The following UGGT2 variants were observed in gnomAD, a reference collection of about 807,000 sequenced individuals.
UGGT2 encodes UDP-glucose:glycoprotein glucosyltransferase 2.
A neutral mutation model predicts 192.1 loss-of-function variants in UGGT2; 180 were observed. The observed-to-expected ratio is 0.94, with a 90% CI of 0.83 to 1.06. UGGT2 has a LOEUF of 1.06. Among genes scored for constraint, UGGT2 ranks in the 50% least tolerant of loss-of-function variants. UGGT2 has a pLI of 0.00. For missense variants in UGGT2, 1,849 were observed against 1,795.7 expected (o/e 1.03, Z -0.54); for synonymous variants, 580 against 591.0 (o/e 0.98, Z 0.27).
chr13:95,952,977 G>A (rs189811960), intron 12 of UGGT2, among the ~76,000 whole-genome samples: 17 of 152,202 alleles, frequency 1.1e-4, no homozygotes, highest in Non-Finnish European at 1.9e-4. Flanking sequence ...ACAATGTTAC[G>A]ACAATATGTA....
At chr13:95,964,868 A>C (rs2140732066) in intron 12 of UGGT2, among the ~76,000 whole-genome samples, 1 of 152,328 alleles carries the variant, frequency 6.6e-6, no homozygotes, top group South Asian at 2.1e-4. Flanking sequence ...TAATATCCAG[A>C]ATCTACAATG....
chr13:95,992,463 T>C (rs1397546301), intron 7 of UGGT2, among the ~76,000 whole-genome samples: 1 of 152,198 alleles, frequency 6.6e-6, no homozygotes, highest in Non-Finnish European at 1.5e-5. Context: ...GTAAATGGGA[T>C]TGCCTGCTTG....
At position 95,924,393 on chromosome 13, in the gene UGGT2, C is replaced by CTTTTTTTT. The variant is rs59757283; in HGVS notation, c.2295+1279_2295+1286dup. Among the ~76,000 whole-genome samples the CTTTTTTTT allele has an allele frequency of 1.1e-3, 72 of 63,352 alleles. 3 individuals carry two copies. The highest frequency in any genetic ancestry group is 2.1e-3 in the South Asian group (3 of 1,406). 41.6% of individuals were successfully genotyped at this position (63,352 alleles called of 152,430 possible). A position where few individuals can be genotyped will look rare whatever the true frequency, so the allele number is the denominator to read the frequency against. ...AATAGATGTAATAGATCCCAAACAG[C>CTTTTTTTT]TTTTTTTTTTTTTTTTTTTTTTTTT... On this transcript the variant is annotated intron_variant, in intron 20 of 38. Transcript: ENST00000376747.
intron 27 of UGGT2, among the ~76,000 whole-genome samples, chr13:95,882,188 G>T (rs538994374): frequency 6.6e-6 from 1 of 152,056 alleles, no homozygotes; most frequent in East Asian, 1.9e-4. Flanking sequence ...GATTACAGGC[G>T]TGAGCCACCA....
chr13:95,860,846 T>C lies in UGGT2; in HGVS notation c.3682A>G (p.Lys1228Glu). 6.4e-7 allele frequency: 1 copy of C among 1,570,232 alleles called. No individual in the cohort carries two copies. The highest frequency in any genetic ancestry group is 8.6e-7 in the Non-Finnish European group (1 of 1,160,064). Reference protein sequence around the residue: ...VSLHKENKKEKDVLNIFSVAS... With the variant: ...VSLHKENKKEEDVLNIFSVAS... Reference sequence around the variant, plus strand: ...ACTGAAAAAATGTTTAGGACATCTTTTTCCTTTTTGTTTTCTTTATGCAAG... The same window carrying C: ...ACTGAAAAAATGTTTAGGACATCTTCTTCCTTTTTGTTTTCTTTATGCAAG... The change falls in exon 32 of 39, where the codon AAA becomes GAA. Residue 1228 changes from lysine to glutamate, a missense_variant. Lys to Glu is a moderately conservative substitution (Grantham distance 56). Transcript: ENST00000376747.
At chr13:96,030,667 C>T (rs1015869470) in intron 2 of UGGT2, among the ~76,000 whole-genome samples, 1 of 152,204 alleles carries the variant, frequency 6.6e-6, no homozygotes, top group South Asian at 2.1e-4. Context: ...TTTTAATCAC[C>T]AATAGTAAGA....
intron 7 of UGGT2, 51 bp downstream of exon 7, chr13:95,996,012 T>C: frequency 6.5e-7 from 1 of 1,532,300 alleles, no homozygotes; most frequent in Non-Finnish European, 9.0e-7. Context: ...AATTAATTCC[T>C]TAAAAACCAA....
intron 33 of UGGT2, among the ~76,000 whole-genome samples, chr13:95,858,151 A>G (rs1889799285): frequency 6.6e-6 from 1 of 151,850 alleles, no homozygotes; most frequent in Non-Finnish European, 1.5e-5. Flanking sequence ...GTTTCATATC[A>G]GGCCTATGCT....
intron 21 of UGGT2, among the ~76,000 whole-genome samples, chr13:95,902,481 G>C (rs1273815020): frequency 1.3e-5 from 2 of 151,948 alleles, no homozygotes; most frequent in South Asian, 2.1e-4. Flanking sequence ...TGTATTTTTT[G>C]AATGAATAAT....
rs1189608362 is a variant in UGGT2 at position 95,863,640 on chromosome 13, A to T, written c.3633T>A (p.Asp1211Glu). 1 of 1,610,092 alleles carries T rather than the reference A, an allele frequency of 6.2e-7. No individual in the cohort carries two copies. The highest frequency in any genetic ancestry group is 1.1e-5 in the South Asian group (1 of 91,002). The change falls in exon 31 of 39, where the codon GAT becomes GAA. Residue 1211 changes from aspartate (D) to glutamate (E), a missense_variant. Coordinates refer to ENST00000376747, the MANE Select transcript of UGGT2 (RefSeq NM_020121.4). Reference sequence around the variant, plus strand: ...TCATTAGTAATTACCTTTTAATGGAATCCCACAGTCCTTTTGTTTTTTCAT... The same window carrying T: ...TCATTAGTAATTACCTTTTAATGGATTCCCACAGTCCTTTTGTTTTTTCAT... ...DEDEKTKGLW[D>E]SIKSFTVSLH...
intron 20 of UGGT2, among the ~76,000 whole-genome samples, chr13:95,911,637 GC>G (rs2048501149): frequency 6.6e-6 from 1 of 152,160 alleles, no homozygotes; most frequent in Non-Finnish European, 1.5e-5. Context: ...TGGATTCACA[GC>G]CGAATTCTAC....
intron 16 of UGGT2, among the ~76,000 whole-genome samples, chr13:95,939,317 T>A (rs2049579222): frequency 6.6e-6 from 1 of 152,212 alleles, no homozygotes; most frequent in Non-Finnish European, 1.5e-5. Flanking sequence ...TATCACTTCT[T>A]CAGAAAAGTA....
intron 17 of UGGT2, among the ~76,000 whole-genome samples, chr13:95,933,969 C>T (rs2049376555): frequency 6.6e-6 from 1 of 152,152 alleles, no homozygotes; most frequent in African/African-American, 2.4e-5. Flanking sequence ...CAGGCGTGAG[C>T]CACCGCGCCT....
At chr13:96,008,942 A>C (rs1188980160) in intron 5 of UGGT2, among the ~76,000 whole-genome samples, 1 of 151,930 alleles carries the variant, frequency 6.6e-6, no homozygotes, top group East Asian at 1.9e-4. Flanking sequence ...AAAAAGAACA[A>C]AGCTGAAGGC....
At chr13:95,877,446 G>GA in intron 28 of UGGT2, 82 bp from the exon 29 acceptor site, 1 of 1,164,432 alleles carries the variant, frequency 8.6e-7, no homozygotes, top group South Asian at 1.6e-5. Context: ...AATGATCTAA[G>GA]AAAGTATTTA....
chr13:95,859,517 A>C, intron 33 of UGGT2, 74 bp downstream of exon 33: 1 of 1,195,438 alleles, frequency 8.4e-7, no homozygotes, highest in Admixed American at 2.2e-5. Flanking sequence ...GAGAAATATC[A>C]TATAAACTTA....
chr13:95,986,859 C>A (rs2051306459), intron 8 of UGGT2, among the ~76,000 whole-genome samples: 2 of 152,064 alleles, frequency 1.3e-5, no homozygotes, highest in Non-Finnish European at 2.9e-5. Flanking sequence ...CATTCAATTT[C>A]TCTTTCAACA....
intron 30 of UGGT2, 79 bp downstream of exon 30, chr13:95,867,260 A>C: frequency 8.3e-7 from 1 of 1,200,232 alleles, no homozygotes; most frequent in South Asian, 1.5e-5. Context: ...ATTGTAAAAT[A>C]AATCAATTAA....
At chr13:95,890,838 TTA>T in intron 25 of UGGT2, 22 bp downstream of exon 25, 1 of 1,558,450 alleles carries the variant, frequency 6.4e-7, no homozygotes, top group Non-Finnish European at 8.8e-7. Flanking sequence ...ACAAAAACAT[TTA>T]GTCTAATTTA....
Sources: gnomAD v4.1 joint callset for allele counts (sites outside exome capture counted in the v4.1 genomes callset) on GRCh38, gnomAD v4.1.1 for gene constraint, MANE v1.5 for transcripts, NCBI Gene and HGNC (gene_info 2026-07-23, HGNC 2026-07-21) for gene names.